The following PXDN variants were observed in gnomAD, a reference collection of about 807,000 sequenced individuals.
The protein encoded by PXDN is peroxidasin.
In PXDN, 77 loss-of-function variants were observed where a neutral mutation model predicts 140.3. The ratio of observed to expected loss-of-function variants is 0.55; its 90% confidence interval spans 0.46 to 0.66. The LOEUF (loss-of-function observed/expected upper bound fraction) is 0.66. PXDN is among the 30% of genes least tolerant of loss of function. The pLI is 0.00. For missense variants in PXDN, 1,838 were observed against 2,039.5 expected (o/e 0.90, Z 1.90); for synonymous variants, 911 against 857.4 (o/e 1.06, Z -1.09).
At position 1,683,691 on chromosome 2, in the gene PXDN, T is replaced by C. The variant is rs2125444072; in HGVS notation, c.525A>G (p.Pro175=). 1 of 1,608,102 alleles carries C rather than the reference T, an allele frequency of 6.2e-7. No individual in the cohort carries two copies. Among genetic ancestry groups the C allele is most frequent in the Non-Finnish European group, 8.5e-7 (1 of 1,178,018 alleles). ...LHNNRITHLV[P]GTFNHLESMK... The stretch of plus-strand genomic sequence containing the variant: ...TAGATTCCAAGTGATTAAATGTCCC[T>C]GGAACTAAATGTGTAATCCGGTTGT... Residue 175 remains proline, a synonymous_variant, in exon 6 of 23, where the codon CCA becomes CCG. Transcript: ENST00000252804.
chr2:1,689,111 G>A (rs1005401168), intron 3 of PXDN, among the ~76,000 whole-genome samples: 5 of 152,048 alleles, frequency 3.3e-5, no homozygotes, highest in African/African-American at 4.8e-5. Context: ...TCTCTAGGCC[G>A]CATACGTGGG....
chr2:1,643,305 C>A, intron 19 of PXDN, 63 bp downstream of exon 19: 1 of 1,517,778 alleles, frequency 6.6e-7, no homozygotes, highest in Non-Finnish European at 9.1e-7. Flanking sequence ...CATTAAGCAC[C>A]CGCCAAGCAG....
intron 7 of PXDN, among the ~76,000 whole-genome samples, chr2:1,679,478 TG>T (rs1683816840): frequency 6.7e-6 from 1 of 149,958 alleles, no homozygotes; most frequent in African/African-American, 2.5e-5. Flanking sequence ...TGTCTATAAA[TG>T]GTTTGTGTGT....
In PXDN at chr2:1,661,000, A is replaced by T. The variant is rs1445821160; in HGVS notation, c.1718T>A (p.Ile573Asn). Residue 573 changes from isoleucine (I) to asparagine (N), a missense_variant, in exon 14 of 23, where the codon ATC (isoleucine) becomes AAC (asparagine). Transcript: ENST00000252804. The surrounding 1 kb of genome is among the most constrained non-coding windows in gnomAD (Gnocchi z 4.6). ...VQVTESGKFH[I>N]SPEGFLTIND... ...GATGGTCAAGAATCCTTCAGGGCTG[A>T]TGTGAAATTTTCCACTTTCTGTCAC... The T allele has an allele frequency of 3.1e-6, 5 of 1,613,996 alleles. No individual in the cohort carries two copies. The highest frequency in any genetic ancestry group is 2.2e-5 in the East Asian group (1 of 44,880).
At chr2:1,697,250 G>A (rs1224593925) in intron 1 of PXDN, among the ~76,000 whole-genome samples, 1 of 152,190 alleles carries the variant, frequency 6.6e-6, no homozygotes, top group Non-Finnish European at 1.5e-5. Flanking sequence ...AAGTGTGCGT[G>A]TGAGGAGATA....
chr2:1,705,119 GC>G (rs1684560906), intron 1 of PXDN, among the ~76,000 whole-genome samples: 1 of 33,368 alleles, frequency 3.0e-5, no homozygotes, highest in Admixed American at 1.8e-4. Context: ...AGCCGTGAGA[GC>G]AGAGGGCACG....
At chr2:1,729,533 C>A (rs1257865174) in intron 1 of PXDN, among the ~76,000 whole-genome samples, 7 of 149,944 alleles carry the variant, frequency 4.7e-5, no homozygotes, top group Admixed American at 6.6e-5. Flanking sequence ...TGGTGCAGAT[C>A]AAAACCTCCC....
At chr2:1,699,574 G>A (rs184369098) in intron 1 of PXDN, among the ~76,000 whole-genome samples, 1 of 152,256 alleles carries the variant, frequency 6.6e-6, no homozygotes, top group Non-Finnish European at 1.5e-5. Context: ...GCTGGGCGTG[G>A]TGGTGGGTGC....
intron 1 of PXDN, among the ~76,000 whole-genome samples, chr2:1,737,078 G>A (rs550271976): frequency 2.3e-4 from 35 of 152,288 alleles, no homozygotes; most frequent in Admixed American, 1.6e-3. Flanking sequence ...GCTCCGGGCT[G>A]CTCAGACGTG....
chr2:1,649,602 G>C lies in PXDN; in HGVS notation c.2178C>G (p.His726Gln). The change falls in exon 17 of 23, where the codon CAC becomes CAG. Residue 726 changes from histidine (H) to glutamine (Q), a missense_variant. This residue lies in a region of PXDN where 537 missense variants were observed against 583.9 expected (regional missense o/e 0.92). Coordinates refer to ENST00000252804, the MANE Select transcript of PXDN (RefSeq NM_012293.3). The surrounding 1 kb of genome is among the most constrained non-coding windows in gnomAD (Gnocchi z 7.1). ...LIANLSGCTA[H>Q]RRVNNCSDMC... ...TGTCCGAGCAGTTGTTCACGCGCCG[G>C]TGGGCGGTACAGCCCGACAGGTTTG... The C allele has an allele frequency of 1.2e-6, 2 of 1,614,036 alleles. No individual in the cohort carries two copies. The highest frequency in any genetic ancestry group is 1.1e-5 in the South Asian group (1 of 91,090).
intron 1 of PXDN, among the ~76,000 whole-genome samples, chr2:1,705,651 G>A (rs1301269401): frequency 7.3e-6 from 1 of 137,152 alleles, no homozygotes; most frequent in Non-Finnish European, 1.5e-5. Context: ...AGCTCCCTGT[G>A]ACCTGGGACG....
At position 1,648,414 on chromosome 2, in the gene PXDN, G is replaced by T. The variant is rs746199083; in HGVS notation, c.3366C>A (p.Phe1122Leu). 1.2e-6 allele frequency: 2 copies of T among 1,611,680 alleles called. No homozygotes were observed. Among genetic ancestry groups the T allele is most frequent in the African/African-American group, 2.7e-5 (2 of 75,016 alleles). ...GGIDPLLRGL[F>L]GVAGKMRVPS... ...GCACACGCATTTTCCCCGCCACCCC[G>T]AACAGCCCCCTGAGAAGCGGATCGA... The change falls in exon 17 of 23, where the codon TTC (phenylalanine) becomes TTA (leucine). Residue 1122 changes from phenylalanine (F) to leucine (L), a missense_variant. This residue lies in a region of PXDN where 850 missense variants were observed against 894.1 expected (regional missense o/e 0.95). Coordinates refer to ENST00000252804, the MANE Select transcript of PXDN (RefSeq NM_012293.3). This position sits in a 1 kb window ranked among gnomAD's most constrained non-coding sequence, Gnocchi z 8.9.
chr2:1,720,037 G>A (rs1391844517), intron 1 of PXDN, among the ~76,000 whole-genome samples: 1 of 78,472 alleles, frequency 1.3e-5, no homozygotes, highest in African/African-American at 6.2e-5. Context: ...GAGAGAGGGA[G>A]GGATGCAGAG....
chr2:1,649,669 T>C lies in PXDN; in HGVS notation c.2111A>G (p.His704Arg). The change falls in exon 17 of 23, where the codon CAC becomes CGC. Residue 704 changes from histidine to arginine, a missense_variant. Coordinates refer to ENST00000252804, the MANE Select transcript of PXDN (RefSeq NM_012293.3). This position sits in a 1 kb window ranked among gnomAD's most constrained non-coding sequence, Gnocchi z 7.1. ...CTGTGGAGACACCAGGTCGTTGTAGTGGTAACCTGGGACGTGGAGAAAAGC... is the reference window on the plus strand; with the variant it reads ...CTGTGGAGACACCAGGTCGTTGTAGCGGTAACCTGGGACGTGGAGAAAAGC... ...LMVDLNGTSY[H>R]YNDLVSPQYL... The C allele has an allele frequency of 6.2e-7, 1 of 1,613,818 alleles. No individual in the cohort carries two copies. Among genetic ancestry groups the C allele is most frequent in the Non-Finnish European group, 8.5e-7 (1 of 1,179,838 alleles).
At chr2:1,724,452 G>T (rs892485747) in intron 1 of PXDN, among the ~76,000 whole-genome samples, 1 of 152,116 alleles carries the variant, frequency 6.6e-6, no homozygotes, top group Admixed American at 6.6e-5. Flanking sequence ...GACCACTGAG[G>T]AGGTTAGATA....
At chr2:1,718,700 C>T (rs544325956) in intron 1 of PXDN, among the ~76,000 whole-genome samples, 14 of 152,380 alleles carry the variant, frequency 9.2e-5, no homozygotes, top group South Asian at 2.1e-4. Context: ...CGGGGTGACG[C>T]GGGCAGGGCG....
At chr2:1,646,958 T>C (rs1682862607) in intron 17 of PXDN, among the ~76,000 whole-genome samples, 2 of 152,156 alleles carry the variant, frequency 1.3e-5, no homozygotes, top group Admixed American at 1.3e-4. Flanking sequence ...TGCAGTAGCG[T>C]GATCTCGGCT....
intron 19 of PXDN, among the ~76,000 whole-genome samples, chr2:1,642,857 C>T (rs1466968067): frequency 2.6e-5 from 4 of 152,162 alleles, no homozygotes; most frequent in East Asian, 1.9e-4. Flanking sequence ...AGCTACAGGG[C>T]CCCCCGCGCC....
chr2:1,740,714 C>T (rs1271618212), intron 1 of PXDN, among the ~76,000 whole-genome samples: 3 of 152,182 alleles, frequency 2.0e-5, no homozygotes, highest in Non-Finnish European at 2.9e-5. Flanking sequence ...CTGGGGGCCC[C>T]ACTGGACTGG....
Sources: allele counts gnomAD v4.1 joint callset (sites outside exome capture counted in the v4.1 genomes callset), GRCh38; gene constraint gnomAD v4.1.1; regional missense constraint gnomAD v4.1.1; non-coding constraint Gnocchi (gnomAD v3.1); transcripts MANE v1.5; gene names NCBI Gene and HGNC (gene_info 2026-07-23, HGNC 2026-07-21).